NUP205: variants seen among roughly 807,000 people sequenced by gnomAD.
NUP205 encodes the protein nuclear pore complex protein Nup205.
In NUP205, 76 loss-of-function variants were observed where a neutral mutation model predicts 253.8. The observed-to-expected ratio is 0.30, with a 90% CI of 0.25 to 0.36. The LOEUF (loss-of-function observed/expected upper bound fraction) is 0.36. Among genes scored for constraint, NUP205 ranks in the 10% least tolerant of loss-of-function variants. The pLI is 1.00. For synonymous variants in NUP205, 832 were observed against 850.1 expected (o/e 0.98, Z 0.37); for missense variants, 2,162 against 2,425.5 (o/e 0.89, Z 2.28).
chr7:135,635,913 A>C (rs1409281480), intron 36 of NUP205, among the ~76,000 whole-genome samples: 1 of 152,192 alleles, frequency 6.6e-6, no homozygotes, highest in Non-Finnish European at 1.5e-5. Context: ...CATACAATGT[A>C]TACATTTCCC....
chr7:135,570,416 T>C (rs1033366654), intron 1 of NUP205, among the ~76,000 whole-genome samples: 5 of 151,492 alleles, frequency 3.3e-5, no homozygotes, highest in Non-Finnish European at 7.4e-5. Flanking sequence ...GGTTTCACCA[T>C]GTTGGCCAGG....
At chr7:135,570,744 T>TA (rs1369238127) in intron 1 of NUP205, among the ~76,000 whole-genome samples, 7,955 of 80,676 alleles carry the variant, frequency 0.099, 684 homozygotes, top group Non-Finnish European at 0.14. Context: ...TATATTAATA[T>TA]ATTAATTATA....
At chr7:135,640,021 A>C (rs1446988160) in intron 38 of NUP205, among the ~76,000 whole-genome samples, 2 of 152,212 alleles carry the variant, frequency 1.3e-5, no homozygotes, top group African/African-American at 2.4e-5. Context: ...GAACACATGG[A>C]CACAGGGAGG....
chr7:135,605,564 G>A (rs1246037048), intron 19 of NUP205, among the ~76,000 whole-genome samples: 2 of 152,204 alleles, frequency 1.3e-5, no homozygotes, highest in Non-Finnish European at 2.9e-5. Flanking sequence ...CACCATAAGA[G>A]GTGTAAGTCT....
intron 22 of NUP205, among the ~76,000 whole-genome samples, chr7:135,613,508 ATT>A (rs970742853): frequency 1.3e-5 from 2 of 150,264 alleles, no homozygotes; most frequent in Non-Finnish European, 3.0e-5. Flanking sequence ...TTTCCAAGTA[ATT>A]TGCTACTAAT....
chr7:135,605,109 G>A (rs1794059702), intron 19 of NUP205, among the ~76,000 whole-genome samples: 1 of 151,824 alleles, frequency 6.6e-6, no homozygotes, highest in Admixed American at 6.6e-5. Context: ...AGGCTGGGGT[G>A]CAGTGGCACA....
Position 135,612,768 on chromosome 7 carries a change from T to C in NUP205, c.3196-1391T>C, listed in dbSNP as rs574717391. Among the ~76,000 whole-genome samples the C allele has an allele frequency of 2.0e-5, 3 of 152,340 alleles. No individual in the cohort carries two copies. In the East Asian group the frequency reaches 5.8e-4, roughly 29 times the overall value. On this transcript the variant is annotated intron_variant, in intron 22 of 42. Transcript: ENST00000285968. ...TAGGTGAATTTGCAAATATGGAATC[T>C]GTAAATAATGAGGATTGACTGTGTT...
chr7:135,601,299 T>C, intron 16 of NUP205, 71 bp from the exon 17 acceptor site: 1 of 1,360,496 alleles, frequency 7.4e-7, no homozygotes, highest in Admixed American at 2.1e-5. Flanking sequence ...GTCTCATACA[T>C]TTCATATAAA....
At position 135,640,922 on chromosome 7, in the gene NUP205, C is replaced by T. The variant is rs977551249; in HGVS notation, c.5392+2239C>T. ...TCTCCTGTATTCAGAAATTTGGAGC[C>T]GGGCATGATGGCTGAGCCTGTAATC... is the stretch of plus-strand genomic sequence containing the variant. On this transcript the variant is annotated intron_variant, in intron 38 of 42. Coordinates refer to ENST00000285968, the MANE Select transcript of NUP205 (RefSeq NM_015135.3). 5.3e-5 allele frequency among the ~76,000 whole-genome samples: 8 copies of T among 152,052 alleles called. No individual in the cohort carries two copies. In the South Asian group the frequency reaches 1.2e-3, roughly 24 times the overall value.
Position 135,617,181 on chromosome 7 carries a change from G to A in NUP205, c.3624G>A (p.Gln1208=), listed in dbSNP as rs754225224. 1 of 1,613,964 alleles carries A rather than the reference G, an allele frequency of 6.2e-7. No individual in the cohort carries two copies. Among genetic ancestry groups the A allele is most frequent in the South Asian group, 1.1e-5 (1 of 91,066 alleles). The change falls in exon 26 of 43, where the codon CAG becomes CAA. Residue 1208 remains glutamine, a synonymous_variant. Transcript: ENST00000285968. ...PLQLDFFDRA[Q]IEQVIANCEH... ...AGTTGGATTTTTTTGATCGGGCCCA[G>A]ATTGAACAAGTTATTGCTAACTGTG...
At chr7:135,566,537 A>T (rs572884335) in intron 1 of NUP205, among the ~76,000 whole-genome samples, 13 of 152,320 alleles carry the variant, frequency 8.5e-5, no homozygotes, top group Non-Finnish European at 1.8e-4. Context: ...GGAGAAGCAA[A>T]GCAGGGAATT....
chr7:135,573,529 TAAG>T, intron 2 of NUP205, 122 bp from the exon 3 acceptor site: 1 of 624,122 alleles, frequency 1.6e-6, no homozygotes, highest in South Asian at 2.8e-5. Flanking sequence ...AATTAGCTGA[TAAG>T]AAATACTTCT....
chr7:135,629,176 C>T (rs1794653613), intron 34 of NUP205, among the ~76,000 whole-genome samples: 1 of 152,176 alleles, frequency 6.6e-6, no homozygotes, highest in African/African-American at 2.4e-5. Flanking sequence ...GATTCACATC[C>T]TTGGCTTGTT....
chr7:135,571,306 G>T, intron 2 of NUP205, 59 bp downstream of exon 2: 4 of 1,121,722 alleles, frequency 3.6e-6, no homozygotes, highest in Non-Finnish European at 4.7e-6. Context: ...ATCGAGGAAG[G>T]AAGTAAACTC....
Position 135,614,265 on chromosome 7 carries a change from C to G in NUP205, c.3302C>G (p.Ser1101Cys). The change falls in exon 23 of 43, where the codon TCT becomes TGT. Residue 1101 changes from serine to cysteine, a missense_variant. This residue lies in a region of NUP205 where 1,144 missense variants were observed against 1,280.9 expected (regional missense o/e 0.89). Transcript: ENST00000285968. ...LFSQLQYLPF[S>C]NKEYEISMLN... Reference sequence around the variant, plus strand: ...TCCCAGTTGCAGTATCTACCATTTTCTAACAAAGGTAGGCCATTATTTTCC... The same window carrying G: ...TCCCAGTTGCAGTATCTACCATTTTGTAACAAAGGTAGGCCATTATTTTCC... 1 of 1,545,260 alleles carries G rather than the reference C, an allele frequency of 6.5e-7. No individual in the cohort carries two copies. Among genetic ancestry groups the G allele is most frequent in the East Asian group, 2.3e-5 (1 of 44,410 alleles).
chr7:135,598,079 G>A lies in NUP205; in HGVS notation c.2146G>A (p.Glu716Lys), dbSNP rs754576050. 5.6e-6 allele frequency: 9 copies of A among 1,614,070 alleles called. No homozygotes were observed. In the South Asian group the frequency reaches 9.9e-5, roughly 18 times the overall value. ...AFCQLISTLV[E>K]SSFPSNLGAG... ...TTGCCAGCTTATTAGTACTCTGGTGGAGAGCTCATTTCCTTCTAATTTGGG... is the reference window on the plus strand; with the variant it reads ...TTGCCAGCTTATTAGTACTCTGGTGAAGAGCTCATTTCCTTCTAATTTGGG... Residue 716 changes from glutamate to lysine, a missense_variant, in exon 15 of 43, where the codon GAG becomes AAG. Around this residue, in one of 5 missense-constraint regions of NUP205, gnomAD observed 892 missense variants for 957.1 expected, o/e 0.93. Transcript: ENST00000285968.
chr7:135,605,172 A>C (rs984774032), intron 19 of NUP205, among the ~76,000 whole-genome samples: 3 of 152,020 alleles, frequency 2.0e-5, no homozygotes, highest in Non-Finnish European at 4.4e-5. Context: ...CTACAGGTGC[A>C]TGCCACCACG....
chr7:135,594,437 A>C (rs1002232318), intron 12 of NUP205, 110 bp from the exon 13 acceptor site: 5 of 717,732 alleles, frequency 7.0e-6, no homozygotes, highest in Non-Finnish European at 1.1e-5. Context: ...GTTTTAGTAT[A>C]TATTAAGCCC....
At position 135,593,079 on chromosome 7, in the gene NUP205, C is replaced by T; in HGVS notation, c.1717C>T (p.Leu573Phe). Reference sequence around the variant, plus strand: ...TTACCACGAACACCTTCGGAAGGATCTTCCAAGTGCAGATAGTGTCCAGTA... The same window carrying T: ...TTACCACGAACACCTTCGGAAGGATTTTCCAAGTGCAGATAGTGTCCAGTA... ...MLYHEHLRKD[L>F]PSADSVQYRH... is the part of the protein sequence containing the mutation. Residue 573 changes from leucine to phenylalanine, a missense_variant, in exon 12 of 43, where the codon CTT becomes TTT. Physicochemically the swap from Leu to Phe is conservative, Grantham distance 22 (BLOSUM62 0). Transcript: ENST00000285968. 6.2e-7 allele frequency: 1 copy of T among 1,614,096 alleles called. No homozygotes were observed. Among genetic ancestry groups the T allele is most frequent in the Non-Finnish European group, 8.5e-7 (1 of 1,179,970 alleles).
Sources: gnomAD v4.1 joint callset for allele counts (sites outside exome capture counted in the v4.1 genomes callset) on GRCh38, gnomAD v4.1.1 for gene constraint, gnomAD v4.1.1 regional missense constraint, MANE v1.5 for transcripts, NCBI Gene and HGNC (gene_info 2026-07-23, HGNC 2026-07-21) for gene names.